VPS13B: variants seen among roughly 807,000 people sequenced by gnomAD.
VPS13B encodes the protein intermembrane lipid transfer protein VPS13B.
Under a neutral mutation model 426.4 loss-of-function variants are expected in VPS13B, and 285 were observed. That is an observed-to-expected ratio of 0.67 (90% CI 0.61 to 0.74). The LOEUF (loss-of-function observed/expected upper bound fraction) is 0.74. Among genes scored for constraint, VPS13B ranks in the 30% least tolerant of loss-of-function variants. The pLI is 0.00. For synonymous variants in VPS13B, 1,676 were observed against 1,676.4 expected (o/e 1.00, Z 0.01); for missense variants, 4,537 against 4,782.6 (o/e 0.95, Z 1.51).
intron 15 of VPS13B, among the ~76,000 whole-genome samples, chr8:99,160,794 A>G (rs1411088455): frequency 6.6e-6 from 1 of 152,330 alleles, no homozygotes; most frequent in East Asian, 1.9e-4. Context: ...GTATATCTGT[A>G]ACGCAAAAAT....
intron 40 of VPS13B, among the ~76,000 whole-genome samples, chr8:99,769,770 T>C (rs1031934953): frequency 2.0e-5 from 3 of 152,118 alleles, no homozygotes; most frequent in Non-Finnish European, 4.4e-5. Context: ...TGTTGTGAGA[T>C]TGATTTCTAA....
At chr8:99,820,525 G>A (rs912432365) in intron 49 of VPS13B, among the ~76,000 whole-genome samples, 1 of 152,180 alleles carries the variant, frequency 6.6e-6, no homozygotes, top group African/African-American at 2.4e-5. Context: ...GGATTTCAGA[G>A]CAACTGTTTT....
Position 99,252,755 on chromosome 8 carries a change from C to T in VPS13B, c.2516-21443C>T, listed in dbSNP as rs77422868. 4.3e-3 allele frequency among the ~76,000 whole-genome samples: 650 copies of T among 151,940 alleles called. 8 individuals are homozygous for T. Among genetic ancestry groups the T allele is most frequent in the African/African-American group, 0.015 (606 of 41,452 alleles). ...GCTGTGTCTTTTCAGAGGATTGGCT[C>T]TTATAATTTTTTTCCTCTTAAGCCT... On this transcript the variant is annotated intron_variant, in intron 17 of 61. Transcript: ENST00000357162.
At chr8:99,339,149 G>C (rs1316708083) in intron 19 of VPS13B, among the ~76,000 whole-genome samples, 2 of 152,018 alleles carry the variant, frequency 1.3e-5, no homozygotes, top group Non-Finnish European at 2.9e-5. Context: ...TGCATGTTTT[G>C]ATTTGTTTGC....
Position 99,876,408 on chromosome 8 carries a change from GTTC to G in VPS13B, c.*749_*751del, listed in dbSNP as rs1817705158. ...TGTCCAGGTACATTTTAGAAAAAGT[GTTC>G]TTCTTCCAGTTTGTTTTACTAAGCA... On this transcript the variant is annotated 3_prime_UTR_variant, in exon 62 of 62. Transcript: ENST00000357162. The G allele has an allele frequency of 6.6e-6, 1 of 152,262 alleles. No individual in the cohort carries two copies. The highest frequency in any genetic ancestry group is 2.1e-4 in the South Asian group (1 of 4,824). 9.4% of individuals were successfully genotyped at this position (152,262 alleles called of 1,614,324 possible).
intron 19 of VPS13B, among the ~76,000 whole-genome samples, chr8:99,353,895 G>A (rs1393360004): frequency 6.6e-6 from 1 of 152,046 alleles, no homozygotes; most frequent in Non-Finnish European, 1.5e-5. Flanking sequence ...TATTGTCTAT[G>A]ATTTTATGTA....
intron 5 of VPS13B, among the ~76,000 whole-genome samples, chr8:99,109,189 C>G (rs971702457): frequency 1.3e-5 from 2 of 152,130 alleles, no homozygotes; most frequent in South Asian, 2.1e-4. Context: ...TAATATTTTA[C>G]TGATTAAATT....
intron 31 of VPS13B, 108 bp from the exon 32 acceptor site, chr8:99,575,550 A>G (rs1825735806): frequency 7.3e-7 from 1 of 1,360,782 alleles, no homozygotes; most frequent in Admixed American, 1.9e-5. Flanking sequence ...TCAAAATAAT[A>G]ATGTAATTTT....
intron 43 of VPS13B, among the ~76,000 whole-genome samples, chr8:99,808,548 A>G (rs1168044365): frequency 6.6e-6 from 1 of 150,550 alleles, no homozygotes; most frequent in Admixed American, 6.6e-5. Flanking sequence ...CTTTCCTTGT[A>G]CTTACAAATC....
chr8:99,436,181 A>T (rs1193221169), intron 22 of VPS13B, among the ~76,000 whole-genome samples: 1 of 152,208 alleles, frequency 6.6e-6, no homozygotes, highest in African/African-American at 2.4e-5. Flanking sequence ...CAAATTCTAG[A>T]TGTTAACTAT....
intron 33 of VPS13B, among the ~76,000 whole-genome samples, chr8:99,587,935 T>C (rs1423338744): frequency 6.6e-6 from 1 of 151,800 alleles, no homozygotes; most frequent in Non-Finnish European, 1.5e-5. Flanking sequence ...GGTTTTCTTC[T>C]AGGGTTTTCA....
chr8:99,137,509 T>C (rs1028988406), intron 12 of VPS13B, among the ~76,000 whole-genome samples: 1 of 151,160 alleles, frequency 6.6e-6, no homozygotes, highest in Admixed American at 6.6e-5. Flanking sequence ...AGAAGAGTAG[T>C]ATAGAGAACT....
In VPS13B at chr8:99,744,264, G is replaced by A. The variant is rs1436283178; in HGVS notation, c.7051-22510G>A. ...CAGAGAAATGCAAATCAAAACCACA[G>A]TGAGATACCATCTCACACCAGCTAG... On this transcript the variant is annotated intron_variant, in intron 39 of 61. Coordinates refer to ENST00000357162, the MANE Select transcript of VPS13B (RefSeq NM_152564.5). Among the ~76,000 whole-genome samples the A allele has an allele frequency of 3.9e-5, 6 of 152,216 alleles. No homozygotes were observed. The East Asian group carries it at 7.7e-4, about 20-fold the overall frequency.
At chr8:99,185,261 G>A (rs1813157923) in intron 16 of VPS13B, among the ~76,000 whole-genome samples, 1 of 152,040 alleles carries the variant, frequency 6.6e-6, no homozygotes, top group Non-Finnish European at 1.5e-5. Context: ...AGGTCTGCAG[G>A]GATATATGAT....
intron 17 of VPS13B, among the ~76,000 whole-genome samples, chr8:99,244,986 A>G (rs1410787739): frequency 6.6e-6 from 1 of 152,228 alleles, no homozygotes; most frequent in Non-Finnish European, 1.5e-5. Context: ...ACCAGAGCTT[A>G]TGGCTATGAC....
At chr8:99,043,781 T>G (rs1303029701) in intron 3 of VPS13B, among the ~76,000 whole-genome samples, 4 of 152,178 alleles carry the variant, frequency 2.6e-5, no homozygotes, top group Non-Finnish European at 5.9e-5. Flanking sequence ...TCCTTGATTT[T>G]TAACTCTGTC....
At chr8:99,467,366 G>T (rs1333816321) in intron 23 of VPS13B, 48 bp from the exon 24 acceptor site, 1 of 1,541,028 alleles carries the variant, frequency 6.5e-7, no homozygotes, top group African/African-American at 1.4e-5. Flanking sequence ...AAAATTAATT[G>T]TCTTTTTGTT....
rs72676239 is a variant in VPS13B, at chr8:99,688,071, T to C, written c.6047-11454T>C. 5.6e-3 allele frequency among the ~76,000 whole-genome samples: 852 copies of C among 150,910 alleles called. 4 individuals are homozygous for C. The highest frequency in any genetic ancestry group is 0.01 in the South Asian group (49 of 4,748). ...ATATAACAGCATGGGTTGGGGGAAG[T>C]GGGCTCTGCAAACTCAGATATTATA... On this transcript the variant is annotated intron_variant, in intron 35 of 61. Transcript: ENST00000357162.
chr8:99,091,769 A>G (rs1169196600), intron 3 of VPS13B: 6 of 152,168 alleles, frequency 3.9e-5, no homozygotes, highest in Admixed American at 3.9e-4. Context: ...TGTACTTGCT[A>G]CTGGAGAGGA....
Sources: gnomAD v4.1 joint callset for allele counts (sites outside exome capture counted in the v4.1 genomes callset) on GRCh38, gnomAD v4.1.1 for gene constraint, MANE v1.5 for transcripts, NCBI Gene and HGNC (gene_info 2026-07-23, HGNC 2026-07-21) for gene names.